ACER3: variants seen among roughly 807,000 people sequenced by gnomAD.
ACER3 encodes alkaline ceramidase 3.
In ACER3, 16 loss-of-function variants were observed where a neutral mutation model predicts 48.9. The observed-to-expected ratio is 0.33, with a 90% CI of 0.22 to 0.50. The LOEUF (loss-of-function observed/expected upper bound fraction) is 0.50, where lower values mean the gene tolerates loss of function less well. Ranked by LOEUF, ACER3 falls within the 20% of genes least tolerant of loss-of-function variation. ACER3 has a pLI of 0.98. For synonymous variants in ACER3, 109 were observed against 107.8 expected, an observed-to-expected ratio of 1.01 and a Z score of -0.07; for missense variants, 227 against 326.0, an observed-to-expected ratio of 0.70 and a Z score of 2.34.
chr11:76,865,458 A>C (rs76431292), intron 1 of ACER3, among the ~76,000 whole-genome samples: 4,024 of 151,536 alleles, frequency 0.027, 191 homozygotes, highest in African/African-American at 0.093. Context: ...CAACTACTTT[A>C]TGCATTTACG....
intron 1 of ACER3, among the ~76,000 whole-genome samples, chr11:76,907,045 A>G (rs1449631839): frequency 6.6e-6 from 1 of 152,242 alleles, no homozygotes. Context: ...GGTGCAAAAT[A>G]GATACTTAAT....
intron 1 of ACER3, among the ~76,000 whole-genome samples, chr11:76,871,107 C>A (rs565128556): frequency 9.9e-5 from 15 of 152,138 alleles, no homozygotes; most frequent in Non-Finnish European, 1.5e-5. Context: ...AGTGGCAAAG[C>A]GAAGATTTAA....
intron 1 of ACER3, among the ~76,000 whole-genome samples, chr11:76,861,844 A>T (rs1590845265): frequency 6.6e-6 from 1 of 152,194 alleles, no homozygotes; most frequent in Non-Finnish European, 1.5e-5. Context: ...ATCTGAGGAC[A>T]CTACTTCCAC....
Position 77,009,125 on chromosome 11 carries a change from G to A in ACER3, c.498-5891G>A, listed in dbSNP as rs1166919180. Among the ~76,000 whole-genome samples the A allele has an allele frequency of 2.6e-5, 4 of 152,166 alleles. No individual in the cohort carries two copies. The East Asian group carries it at 7.7e-4, about 29-fold the overall frequency. The stretch of plus-strand genomic sequence containing the variant: ...TGCACTGCTATAAAGAAATACTGGA[G>A]ACTAGGTAACTTATAAAGAAAAGAA... On this transcript the variant is annotated intron_variant, in intron 7 of 10. Coordinates refer to ENST00000532485, the MANE Select transcript of ACER3 (RefSeq NM_018367.7).
At position 77,024,129 on chromosome 11, in the gene ACER3, A is replaced by AC. The variant is rs1463580677; in HGVS notation, c.*3806dup. ...CTAAAATTTGATTTAAAGTAGTTAA[A>AC]CCCCTTTATGGAAGGAGCTGCAAAA... On this transcript the variant is annotated 3_prime_UTR_variant, in exon 11 of 11. Transcript: ENST00000532485. 1.1e-4 allele frequency: 16 copies of AC among 141,836 alleles called. No individual in the cohort carries two copies. Among genetic ancestry groups the AC allele is most frequent in the African/African-American group, 4.2e-4 (16 of 38,436 alleles). The allele number at this position is 141,836 out of a possible 1,614,324, so 8.8% of individuals were successfully genotyped here.
At chr11:76,950,143 G>A (rs1417301703) in intron 2 of ACER3, among the ~76,000 whole-genome samples, 1 of 151,522 alleles carries the variant, frequency 6.6e-6, no homozygotes, top group Non-Finnish European at 1.5e-5. Flanking sequence ...AGCATTTAGT[G>A]CACCATATTG....
At chr11:76,909,395 G>A (rs1262437230) in intron 1 of ACER3, among the ~76,000 whole-genome samples, 1 of 151,890 alleles carries the variant, frequency 6.6e-6, no homozygotes, top group African/African-American at 2.4e-5. Context: ...CTAATATCCA[G>A]AATCTACAAG....
At position 76,955,075 on chromosome 11, in the gene ACER3, C is replaced by G. The variant is rs74368170; in HGVS notation, c.215-3904C>G. On this transcript the variant is annotated intron_variant, in intron 2 of 10. Transcript: ENST00000532485. Reference sequence around the variant, plus strand: ...TACTAATCAAAATGATAATGAAATACCACTTCACATCCATTAGGATGGCTG... The same window carrying G: ...TACTAATCAAAATGATAATGAAATAGCACTTCACATCCATTAGGATGGCTG... Among the ~76,000 whole-genome samples, 4 of 152,188 alleles carry G rather than the reference C, an allele frequency of 2.6e-5. No individual in the cohort carries two copies. In the East Asian group the frequency reaches 7.7e-4, roughly 29 times the overall value.
At chr11:76,905,552 A>G (rs1946207271) in intron 1 of ACER3, among the ~76,000 whole-genome samples, 1 of 152,142 alleles carries the variant, frequency 6.6e-6, no homozygotes, top group South Asian at 2.1e-4. Flanking sequence ...TCCACCAACT[A>G]GGAAGACTCT....
intron 2 of ACER3, among the ~76,000 whole-genome samples, chr11:76,954,945 G>A (rs1321563512): frequency 6.6e-6 from 1 of 152,136 alleles, no homozygotes; most frequent in African/African-American, 2.4e-5. Context: ...TCTGAGACAG[G>A]AACCATATTT....
In ACER3 at chr11:77,022,888, A is replaced by G. The variant is rs879955574; in HGVS notation, c.*2561A>G. 312 of 302,654 alleles carry G rather than the reference A, an allele frequency of 1.0e-3. No individual in the cohort carries two copies. Among genetic ancestry groups the G allele is most frequent in the African/African-American group, 5.5e-3 (216 of 39,470 alleles). 18.7% of individuals were successfully genotyped at this position (302,654 alleles called of 1,614,324 possible). ...CGTCTCAAAAAAAAAAAAAAAAAAA[A>G]AAAAGAAAAGAAAAGAAAATATAAG... On this transcript the variant is annotated 3_prime_UTR_variant, in exon 11 of 11. Transcript: ENST00000532485.
At position 76,884,599 on chromosome 11, in the gene ACER3, G is replaced by A. The variant is rs1391820380; in HGVS notation, c.103+23520G>A. Among the ~76,000 whole-genome samples the A allele has an allele frequency of 3.9e-5, 6 of 152,248 alleles. No individual in the cohort carries two copies. In the East Asian group the frequency reaches 1.2e-3, roughly 29 times the overall value. ...GGTTGCTTCATCTATTAAACATTAA[G>A]ATAGGTGTATTAAAATCTTCTACCA... On this transcript the variant is annotated intron_variant, in intron 1 of 10. Transcript: ENST00000532485.
intron 6 of ACER3, chr11:76,998,454 T>A (rs2135258276): frequency 2.1e-5 from 2 of 95,246 alleles, no homozygotes; most frequent in South Asian, 9.6e-5. Context: ...CTAAAGATTA[T>A]GAGGCAAAAT....
chr11:76,867,477 AAAAAAAAAAAAAAAAAAAAAG>A (rs1296017854), intron 1 of ACER3, among the ~76,000 whole-genome samples: 57 of 115,176 alleles, frequency 4.9e-4, no homozygotes, highest in African/African-American at 1.4e-3. Context: ...TCAAAAAAAA[AAAAAAAAAAAAAAAAAAAAAG>A]AAAGAAAAGT....
intron 4 of ACER3, among the ~76,000 whole-genome samples, chr11:76,979,091 G>A (rs560101666): frequency 1.3e-5 from 2 of 152,332 alleles, no homozygotes; most frequent in South Asian, 2.1e-4. Flanking sequence ...GGCAGAATGA[G>A]CCCAGTGGGC....
At chr11:76,868,757 A>G (rs1390309673) in intron 1 of ACER3, among the ~76,000 whole-genome samples, 1 of 152,162 alleles carries the variant, frequency 6.6e-6, no homozygotes, top group Non-Finnish European at 1.5e-5. Context: ...TTGTCCAATC[A>G]TATTTCAACA....
intron 1 of ACER3, among the ~76,000 whole-genome samples, chr11:76,907,742 A>G (rs533591200): frequency 3.3e-5 from 5 of 152,188 alleles, no homozygotes; most frequent in East Asian, 1.9e-4. Context: ...ATGGTGATGC[A>G]TGCCTATAGT....
chr11:76,867,391 C>T (rs886781181), intron 1 of ACER3, among the ~76,000 whole-genome samples: 6 of 139,884 alleles, frequency 4.3e-5, no homozygotes, highest in Non-Finnish European at 7.5e-5. Flanking sequence ...ATCACTTGAA[C>T]GCTGGAGGCG....
At chr11:76,930,704 G>T (rs1360146978) in intron 2 of ACER3, among the ~76,000 whole-genome samples, 1 of 152,016 alleles carries the variant, frequency 6.6e-6, no homozygotes, top group Non-Finnish European at 1.5e-5. Context: ...CTGTATTTCT[G>T]CCTTCATTTC....
Sources: allele counts gnomAD v4.1 joint callset (sites outside exome capture counted in the v4.1 genomes callset), GRCh38; gene constraint gnomAD v4.1.1; transcripts MANE v1.5; gene names NCBI Gene and HGNC (gene_info 2026-07-23, HGNC 2026-07-21).